DNAH5: variants seen among roughly 807,000 people sequenced by gnomAD.
DNAH5 encodes axonemal beta dynein heavy chain 5.
Under a neutral mutation model 518.2 loss-of-function variants are expected in DNAH5, and 372 were observed. The ratio of observed to expected loss-of-function variants is 0.72; its 90% CI spans 0.66 to 0.78. The LOEUF is 0.78. Ranked by LOEUF, DNAH5 falls within the 30% of genes least tolerant of loss-of-function variation. The pLI is 0.00. For missense variants in DNAH5, 5,523 were observed against 5,687.0 expected, an observed-to-expected ratio of 0.97 and a Z score of 0.93; for synonymous variants, 2,039 against 2,025.9, an observed-to-expected ratio of 1.01 and a Z score of -0.17.
intron 21 of DNAH5, among the ~76,000 whole-genome samples, chr5:13,882,203 G>T (rs545105898): frequency 6.6e-6 from 1 of 151,878 alleles, no homozygotes; most frequent in African/African-American, 2.4e-5. Flanking sequence ...ACCACCAGAT[G>T]GTTGCATAGC....
rs1299623462 is a variant in DNAH5 at position 13,721,264 on chromosome 5, A to G, written c.12034-19T>C. The G allele has an allele frequency of 2.5e-6, 4 of 1,613,844 alleles. No homozygotes were observed. The highest frequency in any genetic ancestry group is 3.4e-6 in the Non-Finnish European group (4 of 1,179,916). On this transcript the variant is annotated intron_variant, in intron 70 of 78. Transcript: ENST00000265104. Reference sequence around the variant, plus strand: ...TGCGGGCCTGCCAAAAACAGTATACAAGTCAGTAAAAGTCATTCCAACTCT... The same window carrying G: ...TGCGGGCCTGCCAAAAACAGTATACGAGTCAGTAAAAGTCATTCCAACTCT...
At chr5:14,010,530 G>T (rs1785039956) in intron 1 of DNAH5, among the ~76,000 whole-genome samples, 1 of 152,106 alleles carries the variant, frequency 6.6e-6, no homozygotes, top group Non-Finnish European at 1.5e-5. Context: ...AAGTAACAAT[G>T]TCACCTGTCA....
At chr5:13,898,541 A>G (rs1194618313) in intron 15 of DNAH5, 2 of 398,444 alleles carry the variant, frequency 5.0e-6, no homozygotes, top group Non-Finnish European at 8.8e-6. Context: ...ACGATGGACT[A>G]CAAGTCTGGG....
At position 13,824,315 on chromosome 5, in the gene DNAH5, G is replaced by A. The variant is rs746886633; in HGVS notation, c.6463C>T (p.Leu2155=). Reference sequence around the variant, plus strand: ...CGAAGAACTGACAGAATGTTACGCAGGCCAAAGTCATAATGAACCTAGAGA... The same window carrying A: ...CGAAGAACTGACAGAATGTTACGCAAGCCAAAGTCATAATGAACCTAGAGA... ...LSKQVHYDFG[L]RNILSVLRTL... is the part of the protein sequence containing the mutation. Residue 2155 remains leucine (L), a synonymous_variant, in exon 39 of 79, where the codon CTG becomes TTG. Transcript: ENST00000265104. 2 of 1,614,002 alleles carry A rather than the reference G, an allele frequency of 1.2e-6. No individual in the cohort carries two copies. The highest frequency in any genetic ancestry group is 2.2e-5 in the East Asian group (1 of 44,864).
At chr5:13,977,351 T>G (rs1782332280) in intron 1 of DNAH5, among the ~76,000 whole-genome samples, 1 of 152,116 alleles carries the variant, frequency 6.6e-6, no homozygotes, top group South Asian at 2.1e-4. Flanking sequence ...CATGTCTGTC[T>G]CTCCCGTCTC....
chr5:13,882,615 T>G, intron 21 of DNAH5, 113 bp downstream of exon 21: 1 of 872,444 alleles, frequency 1.1e-6, no homozygotes, highest in South Asian at 1.5e-5. Flanking sequence ...GGCTCATAGA[T>G]TAATATTCTG....
chr5:13,713,376 G>A (rs569300689), intron 75 of DNAH5, among the ~76,000 whole-genome samples: 17 of 102,042 alleles, frequency 1.7e-4, no homozygotes, highest in African/African-American at 6.2e-4. Context: ...TATATATACC[G>A]ACATATATAT....
chr5:13,737,447 T>C lies in DNAH5; in HGVS notation c.11260A>G (p.Lys3754Glu), dbSNP rs1382835820. 1 of 1,614,028 alleles carries C rather than the reference T, an allele frequency of 6.2e-7. No homozygotes were observed. The highest frequency in any genetic ancestry group is 8.5e-7 in the Non-Finnish European group (1 of 1,179,992). Residue 3754 changes from lysine (K) to glutamate (E), a missense_variant, in exon 66 of 79, where the codon AAA (lysine) becomes GAA (glutamate). Physicochemically the swap from Lys to Glu is moderately conservative, Grantham distance 56. Coordinates refer to ENST00000265104, the MANE Select transcript of DNAH5 (RefSeq NM_001369.3). ...TCTTCTAGTTCCTTCATCCTTCTTT[T>C]GTTTGCAGTTACATCTTCCATCAGA... ...THLMEDVTAN[K>E]RRMKELEDNL... is the part of the protein sequence containing the mutation.
intron 1 of DNAH5, among the ~76,000 whole-genome samples, chr5:13,980,803 C>T (rs1782622579): frequency 6.6e-6 from 1 of 152,194 alleles, no homozygotes; most frequent in Non-Finnish European, 1.5e-5. Flanking sequence ...CCTACTCCAA[C>T]TCCTACCACT....
intron 9 of DNAH5, 111 bp downstream of exon 9, chr5:13,916,237 T>G (rs1001202546): frequency 1.8e-6 from 1 of 568,546 alleles, no homozygotes; most frequent in Non-Finnish European, 3.2e-6. Context: ...TTTTTAAAAT[T>G]TTAAGATACA....
rs775173673 is a variant in DNAH5 at position 13,923,313 on chromosome 5, AG to A, written c.404del (p.Pro135LeufsTer14). Reference protein sequence around the residue: ...GVCVFFIRTDPSKAITPDNIH... With the variant: ...GVCVFFIRTDXSKAITPDNIH... ...TGTTGTCAGGGGTGATGGCTTTGGAAGGGTCAGTCCTGATGAAGAACACACA... is the reference window on the plus strand; with the variant it reads ...TGTTGTCAGGGGTGATGGCTTTGGAAGGTCAGTCCTGATGAAGAACACACA... On this transcript the variant is annotated frameshift_variant, in exon 4 of 79. Coordinates refer to ENST00000265104, the MANE Select transcript of DNAH5 (RefSeq NM_001369.3). LOFTEE classifies it high-confidence loss of function. 1 of 1,613,992 alleles carries A rather than the reference AG, an allele frequency of 6.2e-7. No homozygotes were observed. The highest frequency in any genetic ancestry group is 1.3e-5 in the African/African-American group (1 of 74,902).
intron 3 of DNAH5, among the ~76,000 whole-genome samples, chr5:13,924,466 G>A (rs1045561249): frequency 1.3e-4 from 20 of 151,776 alleles, no homozygotes; most frequent in Admixed American, 9.8e-4. Flanking sequence ...ACCTAAGGTC[G>A]GGAGTTCGAG....
At chr5:13,803,024 AT>A (rs763615508) in intron 47 of DNAH5, among the ~76,000 whole-genome samples, 20 of 105,422 alleles carry the variant, frequency 1.9e-4, no homozygotes, top group Non-Finnish European at 4.1e-4. Flanking sequence ...AGTATTATGC[AT>A]TAATGATATA....
chr5:13,693,134 G>A (rs1057448897), intron 78 of DNAH5, among the ~76,000 whole-genome samples: 5 of 152,052 alleles, frequency 3.3e-5, no homozygotes, highest in African/African-American at 1.2e-4. Flanking sequence ...TTGAGGACAA[G>A]AGTGTGTCTA....
intron 1 of DNAH5, among the ~76,000 whole-genome samples, chr5:13,938,882 T>C (rs1320721362): frequency 6.6e-6 from 1 of 152,198 alleles, no homozygotes; most frequent in Non-Finnish European, 1.5e-5. Context: ...CTTCCCCAAC[T>C]GTGGATGAAT....
rs1294086240 is a variant in DNAH5 at position 13,700,860 on chromosome 5, C to T, written c.13503G>A (p.Arg4501=). ...FLTAMRQEIT[R]ANKGWALDNM... is the part of the protein sequence containing the mutation. ...TGTCCAGAGCCCAGCCTTTGTTGGC[C>T]CGAGTTATTTCCTATTCAGGGCAGC... The change falls in exon 78 of 79, where the codon CGG becomes CGA. Residue 4501 remains arginine (R), a synonymous_variant. Transcript: ENST00000265104. 6 of 1,613,876 alleles carry T rather than the reference C, an allele frequency of 3.7e-6. No homozygotes were observed. Among genetic ancestry groups the T allele is most frequent in the Admixed American group, 1.7e-5 (1 of 59,988 alleles).
intron 1 of DNAH5, among the ~76,000 whole-genome samples, chr5:13,979,846 T>TG (rs1161150345): frequency 6.6e-6 from 1 of 151,022 alleles, no homozygotes; most frequent in East Asian, 1.9e-4. Context: ...TTTGGGGTTT[T>TG]TTTTTTTTTT....
chr5:13,762,744 T>C lies in DNAH5; in HGVS notation c.10259A>G (p.Asn3420Ser), dbSNP rs1419404127. 2 of 1,614,088 alleles carry C rather than the reference T, an allele frequency of 1.2e-6. No homozygotes were observed. Among genetic ancestry groups the C allele is most frequent in the Admixed American group, 3.3e-5 (2 of 60,024 alleles). The part of the protein sequence containing the change: ...TKAMASFFSI[N>S]KEVLPLKANL... ...TACCTTCAGAGGCAGTACTTCTTTG[T>C]TTATAGAAAAGAAGGAAGCCATAGC... Residue 3420 changes from asparagine (N) to serine (S), a missense_variant, in exon 60 of 79, where the codon AAC becomes AGC. This residue lies in a region of DNAH5 where 5,121 missense variants were observed against 5,223.3 expected (regional missense o/e 0.98). Coordinates refer to ENST00000265104, the MANE Select transcript of DNAH5 (RefSeq NM_001369.3).
intron 1 of DNAH5, among the ~76,000 whole-genome samples, chr5:13,972,132 C>T (rs1781914673): frequency 6.6e-6 from 1 of 152,148 alleles, no homozygotes; most frequent in Non-Finnish European, 1.5e-5. Context: ...CCTCACCCAG[C>T]TCCCATGCAG....
Sources: allele counts gnomAD v4.1 joint callset (sites outside exome capture counted in the v4.1 genomes callset), GRCh38; gene constraint gnomAD v4.1.1; regional missense constraint gnomAD v4.1.1; transcripts MANE v1.5; gene names NCBI Gene and HGNC (gene_info 2026-07-23, HGNC 2026-07-21).